PELI2: variants seen among roughly 807,000 people sequenced by gnomAD.
The protein encoded by PELI2 is pellino E3 ubiquitin protein ligase family member 2.
PELI2 carries 23 observed loss-of-function variants against 42.3 expected under a neutral mutation model. The observed-to-expected ratio is 0.54, with a 90% CI of 0.39 to 0.77. The LOEUF (loss-of-function observed/expected upper bound fraction) is 0.77, where lower values mean the gene tolerates loss of function less well. PELI2 is among the 30% of genes least tolerant of loss of function. The pLI is 0.00. For missense variants in PELI2, 463 were observed against 553.2 expected, an observed-to-expected ratio of 0.84 and a Z score of 1.64; for synonymous variants, 245 against 212.2, an observed-to-expected ratio of 1.15 and a Z score of -1.34.
intron 2 of PELI2, among the ~76,000 whole-genome samples, chr14:56,187,216 G>A (rs898517141): frequency 2.6e-5 from 4 of 152,222 alleles, no homozygotes; most frequent in Admixed American, 2.6e-4. Context: ...ATTTTTCCAC[G>A]TTTCTATACT....
chr14:56,142,565 CATTTACACATA>C, intron 1 of PELI2, among the ~76,000 whole-genome samples: 1 of 152,306 alleles, frequency 6.6e-6, no homozygotes, highest in African/African-American at 2.4e-5. Flanking sequence ...TTTGCATACG[CATTTACACATA>C]ATTACATATA....
chr14:56,288,385 AC>A lies in PELI2; in HGVS notation c.310-51del. On this transcript the variant is annotated intron_variant, in intron 3 of 5. Coordinates refer to ENST00000267460, the MANE Select transcript of PELI2 (RefSeq NM_021255.3). This position sits in a 1 kb window ranked among gnomAD's most constrained non-coding sequence, Gnocchi z 4.6. ...AATGCTTTTTCCTTGTGAATAAAATACGGCACCCTGCTATTTTCCAAGTGAA... is the reference window on the plus strand; with the variant it reads ...AATGCTTTTTCCTTGTGAATAAAATAGGCACCCTGCTATTTTCCAAGTGAA... 1 of 1,381,120 alleles carries A rather than the reference AC, an allele frequency of 7.2e-7. No individual in the cohort carries two copies. Among genetic ancestry groups the A allele is most frequent in the South Asian group, 1.2e-5 (1 of 83,058 alleles). The allele number at this position is 1,381,120 out of a possible 1,614,324, so 85.6% of individuals were successfully genotyped here.
intron 2 of PELI2, among the ~76,000 whole-genome samples, chr14:56,201,991 G>A (rs964837914): frequency 6.6e-6 from 1 of 152,158 alleles, no homozygotes; most frequent in East Asian, 1.9e-4. Flanking sequence ...CTCACAACCC[G>A]ATGAGGTAAA....
At chr14:56,262,831 C>T (rs1270987632) in intron 2 of PELI2, among the ~76,000 whole-genome samples, 2 of 152,022 alleles carry the variant, frequency 1.3e-5, no homozygotes, top group South Asian at 2.1e-4. Flanking sequence ...TGATCATATT[C>T]TCTACCAAAT....
chr14:56,143,021 A>G (rs973164848), intron 1 of PELI2, among the ~76,000 whole-genome samples: 2 of 152,182 alleles, frequency 1.3e-5, no homozygotes, highest in Non-Finnish European at 2.9e-5. Flanking sequence ...CGGATCTTCT[A>G]TGAATTTCAC....
intron 2 of PELI2, among the ~76,000 whole-genome samples, chr14:56,267,107 A>G (rs187793579): frequency 4.3e-4 from 65 of 152,230 alleles, no homozygotes; most frequent in Middle Eastern, 6.8e-3. Flanking sequence ...GATACCATTC[A>G]CTGGTAACAT....
At chr14:56,222,131 T>G (rs764592333) in intron 2 of PELI2, among the ~76,000 whole-genome samples, 4 of 152,154 alleles carry the variant, frequency 2.6e-5, no homozygotes, top group Non-Finnish European at 5.9e-5. Flanking sequence ...AAAAGTGTAC[T>G]GATAAAAAAC....
At chr14:56,123,177 C>CTT (rs371420319) in intron 1 of PELI2, among the ~76,000 whole-genome samples, 65 of 142,230 alleles carry the variant, frequency 4.6e-4, no homozygotes, top group African/African-American at 1.3e-3. Context: ...AGTTTATGGT[C>CTT]TTTTTTTTTT....
At chr14:56,267,334 G>T (rs151071955) in intron 2 of PELI2, among the ~76,000 whole-genome samples, 1 of 152,234 alleles carries the variant, frequency 6.6e-6, no homozygotes, top group East Asian at 1.9e-4. Flanking sequence ...CAAGGTAGTT[G>T]TACTTTTCAG....
intron 1 of PELI2, among the ~76,000 whole-genome samples, chr14:56,157,758 G>T (rs939191700): frequency 1.3e-4 from 20 of 152,162 alleles, no homozygotes; most frequent in African/African-American, 4.8e-4. Context: ...AAAGTTTAAA[G>T]TAAATATATA....
At chr14:56,163,792 C>T (rs1884852953) in intron 1 of PELI2, among the ~76,000 whole-genome samples, 1 of 151,936 alleles carries the variant, frequency 6.6e-6, no homozygotes. Context: ...TCGTTAATTC[C>T]TAGGTATTTA....
chr14:56,301,169 A>C lies in PELI2; in HGVS notation c.*4003A>C, dbSNP rs1249161563. 6.6e-6 allele frequency: 1 copy of C among 152,654 alleles called. No homozygotes were observed. Among genetic ancestry groups the C allele is most frequent in the Non-Finnish European group, 1.5e-5 (1 of 68,048 alleles). The allele number at this position is 152,654 out of a possible 1,614,324, so 9.5% of individuals were successfully genotyped here. On this transcript the variant is annotated 3_prime_UTR_variant, in exon 6 of 6. Coordinates refer to ENST00000267460, the MANE Select transcript of PELI2 (RefSeq NM_021255.3). The stretch of plus-strand genomic sequence containing the variant: ...GTGTTATTAGCAGTTAAATTTTATG[A>C]ATATGTTTGTAAAATTGTTGTTTTA...
At chr14:56,198,549 A>G (rs892533720) in intron 2 of PELI2, among the ~76,000 whole-genome samples, 4 of 152,180 alleles carry the variant, frequency 2.6e-5, no homozygotes, top group Non-Finnish European at 4.4e-5. Context: ...GTTGGTGGCT[A>G]TGGTGGCTAA....
At chr14:56,181,340 C>CTT (rs57251739) in intron 2 of PELI2, among the ~76,000 whole-genome samples, 48 of 97,076 alleles carry the variant, frequency 4.9e-4, no homozygotes, top group East Asian at 1.2e-3. Context: ...CCCTGGTGGA[C>CTT]TTTTTTTTTT....
At chr14:56,251,652 C>A (rs1051878995) in intron 2 of PELI2, among the ~76,000 whole-genome samples, 5 of 152,178 alleles carry the variant, frequency 3.3e-5, no homozygotes, top group Admixed American at 3.3e-4. Flanking sequence ...TCTCGTCATA[C>A]CCTGCAGCCT....
intron 1 of PELI2, chr14:56,144,912 A>G: frequency 1.1e-6 from 1 of 893,772 alleles, no homozygotes; most frequent in Non-Finnish European, 1.3e-6. Flanking sequence ...TTTCTTTATT[A>G]CTGACTTTAC....
chr14:56,235,479 G>A (rs1310737768), intron 2 of PELI2, among the ~76,000 whole-genome samples: 3 of 152,300 alleles, frequency 2.0e-5, no homozygotes, highest in East Asian at 3.9e-4. Flanking sequence ...ACGCTAACGG[G>A]TGGCATCTTT....
At chr14:56,178,620 G>A (rs1566622217) in intron 2 of PELI2, among the ~76,000 whole-genome samples, 156 bp downstream of exon 2, 1 of 152,212 alleles carries the variant, frequency 6.6e-6, no homozygotes. Flanking sequence ...GCTGTGCTGT[G>A]CATTGTAGGG....
intron 2 of PELI2, among the ~76,000 whole-genome samples, chr14:56,218,687 G>A (rs1297884865): frequency 6.6e-6 from 1 of 152,112 alleles, no homozygotes; most frequent in Admixed American, 6.5e-5. Context: ...CTGTGTGCAT[G>A]CACGCACATG....
Sources: gnomAD v4.1 joint callset for allele counts (sites outside exome capture counted in the v4.1 genomes callset) on GRCh38, gnomAD v4.1.1 for gene constraint, Gnocchi (gnomAD v3.1) non-coding constraint, MANE v1.5 for transcripts, NCBI Gene and HGNC (gene_info 2026-07-23, HGNC 2026-07-21) for gene names.